Variants in MEIKIN observed in about 807,000 individuals in gnomAD.
The protein encoded by MEIKIN is meiotic kinetochore factor, also known as meiosis-specific kinetochore protein.
chr5:131,928,141 C>T (rs1751623218), intron 5 of MEIKIN, among the ~76,000 whole-genome samples: 1 of 111,404 alleles, frequency 9.0e-6, no homozygotes, highest in Admixed American at 9.5e-5. Context: ...AAAACTCCGT[C>T]TCAAAAAAAA....
At position 131,925,759 on chromosome 5, in the gene MEIKIN, C is replaced by CA. The variant is rs1401933746; in HGVS notation, c.479-3819_479-3818insT. Among the ~76,000 whole-genome samples, 14 of 152,170 alleles carry CA rather than the reference C, an allele frequency of 9.2e-5. No homozygotes were observed. The East Asian group carries it at 2.7e-3, about 29-fold the overall frequency. On this transcript the variant is annotated intron_variant, in intron 5 of 12. Coordinates refer to ENST00000442687, the MANE Select transcript of MEIKIN (RefSeq NM_001303622.2). ...TCCCGGCCCACTGCAACCTCTGCCT[C>CA]CCAGGTTAAAGTGATTCTCCTGCCT...
chr5:131,854,514 T>C (rs1750163354), intron 10 of MEIKIN, among the ~76,000 whole-genome samples: 1 of 152,172 alleles, frequency 6.6e-6, no homozygotes, highest in Non-Finnish European at 1.5e-5. Context: ...CATCACAATT[T>C]TTAAAACTGA....
rs576877163 is a variant in MEIKIN, at chr5:131,871,990, CCATCCGTACGTCACCAT to C, written c.774+6971_774+6987del. Among the ~76,000 whole-genome samples, 28 of 152,208 alleles carry C rather than the reference CCATCCGTACGTCACCAT, an allele frequency of 1.8e-4. No homozygotes were observed. In the South Asian group the frequency reaches 5.6e-3, roughly 30 times the overall value. On this transcript the variant is annotated intron_variant, in intron 9 of 12. Coordinates refer to ENST00000442687, the MANE Select transcript of MEIKIN (RefSeq NM_001303622.2). ...CAGGAAGGACATCCACCCCAAAAACCCATCCGTACGTCACCATCATCAAAGACCAAAGGTACATAAAA... is the reference window on the plus strand; with the variant it reads ...CAGGAAGGACATCCACCCCAAAAACCCATCAAAGACCAAAGGTACATAAAA...
At position 131,931,105 on chromosome 5, in the gene MEIKIN, C is replaced by T. The variant is rs1299487791; in HGVS notation, c.478+2408G>A. 3.3e-5 allele frequency among the ~76,000 whole-genome samples: 5 copies of T among 152,182 alleles called. No individual in the cohort carries two copies. The East Asian group carries it at 9.6e-4, about 29-fold the overall frequency. The stretch of plus-strand genomic sequence containing the variant: ...CCACTTCTCCCAGTCTGGCATTGTA[C>T]AGAAGACCCTTATGAATAAGCCTAC... On this transcript the variant is annotated intron_variant, in intron 5 of 12. Coordinates refer to ENST00000442687, the MANE Select transcript of MEIKIN (RefSeq NM_001303622.2).
chr5:131,863,307 C>T (rs78092863), intron 9 of MEIKIN, among the ~76,000 whole-genome samples: 6 of 152,212 alleles, frequency 3.9e-5, no homozygotes, highest in African/African-American at 1.2e-4. Context: ...CTGTGAGGTC[C>T]ATTTGGTCTA....
At chr5:131,900,880 C>A (rs1751145047) in intron 8 of MEIKIN, among the ~76,000 whole-genome samples, 1 of 152,156 alleles carries the variant, frequency 6.6e-6, no homozygotes, top group African/African-American at 2.4e-5. Flanking sequence ...CCCTCCCATG[C>A]CCTCCCCCTG....
At chr5:131,863,096 C>T (rs1017299138) in intron 9 of MEIKIN, among the ~76,000 whole-genome samples, 1 of 152,076 alleles carries the variant, frequency 6.6e-6, no homozygotes, top group Admixed American at 6.6e-5. Context: ...GTATAGTTTC[C>T]AAACTTCCTC....
At chr5:131,888,683 T>C (rs1186756217) in intron 8 of MEIKIN, among the ~76,000 whole-genome samples, 1 of 152,238 alleles carries the variant, frequency 6.6e-6, no homozygotes, top group Non-Finnish European at 1.5e-5. Context: ...TGATGGTAGT[T>C]TCTTTTGCTG....
chr5:131,935,976 T>C (rs1464147815), intron 4 of MEIKIN, among the ~76,000 whole-genome samples: 1 of 152,196 alleles, frequency 6.6e-6, no homozygotes, highest in Non-Finnish European at 1.5e-5. Context: ...TGCTAACTTT[T>C]ATCCTTCTCA....
chr5:131,845,562 T>C (rs891509841), intron 11 of MEIKIN, among the ~76,000 whole-genome samples: 2 of 150,546 alleles, frequency 1.3e-5, no homozygotes, highest in Non-Finnish European at 3.0e-5. Flanking sequence ...AAAAAAACTA[T>C]GTATAAACAA....
At chr5:131,884,807 TGAA>T (rs2149630623) in intron 8 of MEIKIN, among the ~76,000 whole-genome samples, 1 of 150,184 alleles carries the variant, frequency 6.7e-6, no homozygotes, top group African/African-American at 2.5e-5. Context: ...TCCACTGCCC[TGAA>T]GGGTGAGTCC....
intron 11 of MEIKIN, among the ~76,000 whole-genome samples, chr5:131,844,333 T>C (rs1749972717): frequency 2.6e-5 from 4 of 152,148 alleles, no homozygotes; most frequent in Admixed American, 1.3e-4. Context: ...AACAACAGTT[T>C]TCAAGACACT....
chr5:131,935,324 A>G (rs1751760178), intron 4 of MEIKIN, among the ~76,000 whole-genome samples: 1 of 151,598 alleles, frequency 6.6e-6, no homozygotes, highest in African/African-American at 2.4e-5. Context: ...AAGAACTATG[A>G]AAACTCAATA....
intron 5 of MEIKIN, among the ~76,000 whole-genome samples, chr5:131,929,098 T>C (rs1405237056): frequency 1.3e-5 from 2 of 152,234 alleles, no homozygotes; most frequent in East Asian, 3.8e-4. Context: ...ATAATTTTTC[T>C]TTCAGCACTT....
At chr5:131,846,082 G>A (rs1344659662) in intron 11 of MEIKIN, among the ~76,000 whole-genome samples, 1 of 152,196 alleles carries the variant, frequency 6.6e-6, no homozygotes, top group Non-Finnish European at 1.5e-5. Context: ...CAGATTTCTT[G>A]TCAGAAATGT....
intron 11 of MEIKIN, among the ~76,000 whole-genome samples, chr5:131,825,613 A>C (rs1749597228): frequency 6.6e-6 from 1 of 152,214 alleles, no homozygotes; most frequent in Non-Finnish European, 1.5e-5. Flanking sequence ...CCAGAGGTCA[A>C]ACAGACACAG....
chr5:131,863,556 CCTTT>C (rs1561736457), intron 9 of MEIKIN, among the ~76,000 whole-genome samples: 1 of 42,000 alleles, frequency 2.4e-5, no homozygotes, highest in African/African-American at 1.2e-4. Flanking sequence ...CCTTCTTTGT[CCTTT>C]TTTTTTTTTT....
intron 5 of MEIKIN, among the ~76,000 whole-genome samples, chr5:131,930,116 C>G (rs185832644): frequency 8.4e-4 from 128 of 152,312 alleles, no homozygotes; most frequent in African/African-American, 3.0e-3. Flanking sequence ...ATTGGCCAAA[C>G]TAATTTACAT....
At chr5:131,896,994 C>A (rs1580896550) in intron 8 of MEIKIN, among the ~76,000 whole-genome samples, 1 of 152,122 alleles carries the variant, frequency 6.6e-6, no homozygotes, top group South Asian at 2.1e-4. Context: ...TCTTTACAAT[C>A]TGGCATGTTT....
Sources: allele counts gnomAD v4.1 joint callset (sites outside exome capture counted in the v4.1 genomes callset), GRCh38; gene constraint gnomAD v4.1.1; transcripts MANE v1.5; gene names NCBI Gene and HGNC (gene_info 2026-07-23, HGNC 2026-07-21).